PBRM1: variants seen among roughly 807,000 people sequenced by gnomAD.
PBRM1 encodes polybromo 1.
In PBRM1, 27 loss-of-function variants were observed where a neutral mutation model predicts 194.5. The observed-to-expected ratio is 0.14, with a 90% CI of 0.10 to 0.19. The LOEUF (loss-of-function observed/expected upper bound fraction) is 0.19, where lower values mean the gene tolerates loss of function less well. Among genes scored for constraint, PBRM1 ranks in the 10% least tolerant of loss-of-function variants. PBRM1 has a pLI of 1.00. For missense variants in PBRM1, 1,466 were observed against 2,077.2 expected, an observed-to-expected ratio of 0.71 and a Z score of 5.72; for synonymous variants, 655 against 693.2, an observed-to-expected ratio of 0.94 and a Z score of 0.87.
chr3:52,566,346 A>G (rs780857238), intron 22 of PBRM1, among the ~76,000 whole-genome samples: 3 of 152,230 alleles, frequency 2.0e-5, no homozygotes, highest in Non-Finnish European at 4.4e-5. Context: ...CTAGGTATAT[A>G]TCCAAAAGAA....
Position 52,676,140 on chromosome 3 carries a change from A to T in PBRM1, c.236+2360T>A, listed in dbSNP as rs2097097460. Among the ~76,000 whole-genome samples, 8 of 30,314 alleles carry T rather than the reference A, an allele frequency of 2.6e-4. 1 individual carries two copies. The highest frequency in any genetic ancestry group is 8.1e-4 in the Admixed American group (2 of 2,470). The allele number at this position is 30,314 out of a possible 152,430, so 19.9% of individuals were successfully genotyped here. On this transcript the variant is annotated intron_variant, in intron 2 of 29. Transcript: ENST00000296302. ...AAAAAAAAAAAAAAAAAAAAAAAAAAAAAAAAAAAAAATAATGAATGAAGC... is the reference window on the plus strand; with the variant it reads ...AAAAAAAAAAAAAAAAAAAAAAAAATAAAAAAAAAAAATAATGAATGAAGC...
chr3:52,668,671 G>C, intron 2 of PBRM1, 26 bp from the exon 4 acceptor site: 4 of 1,423,472 alleles, frequency 2.8e-6, no homozygotes, highest in Non-Finnish European at 3.8e-6. Flanking sequence ...TTTTTTTAAA[G>C]GAGATTAATC....
At chr3:52,634,807 A>T (rs778591127) in exon 11 of PBRM1, 13 of 1,612,904 alleles carry the variant, frequency 8.1e-6, no homozygotes, top group Non-Finnish European at 2.5e-6. Flanking sequence ...CCCTCTTCAT[A>T]GCGTGCAGCT....
At chr3:52,592,711 G>C (rs1009015528) in intron 17 of PBRM1, among the ~76,000 whole-genome samples, 5 of 152,124 alleles carry the variant, frequency 3.3e-5, no homozygotes, top group Non-Finnish European at 7.4e-5. Context: ...CAGTTATTTG[G>C]AACAGTTTCA....
chr3:52,560,433 G>C (rs1174271567), intron 25 of PBRM1: 1 of 152,172 alleles, frequency 6.6e-6, no homozygotes, highest in Non-Finnish European at 1.5e-5. Flanking sequence ...GTTTTCCAAA[G>C]AATATTCTGC....
chr3:52,570,498 A>T (rs1433747814), intron 22 of PBRM1, among the ~76,000 whole-genome samples: 2 of 152,242 alleles, frequency 1.3e-5, no homozygotes, highest in Non-Finnish European at 2.9e-5. Context: ...TAGAAGGAAA[A>T]ATAGACATTA....
intron 3 of PBRM1, among the ~76,000 whole-genome samples, chr3:52,667,436 A>C (rs1305738988): frequency 6.6e-6 from 1 of 152,162 alleles, no homozygotes; most frequent in African/African-American, 2.4e-5. Context: ...TAATCAAAAA[A>C]GGTTTACTAT....
downstream of PBRM1, chr3:52,545,685 C>A (rs1024027624): frequency 8.6e-6 from 2 of 232,976 alleles, no homozygotes; most frequent in Non-Finnish European, 1.7e-5. Context: ...TGTTTTAAAC[C>A]TACAGGTTCC....
In PBRM1 at chr3:52,657,558, C is replaced by T. The variant is rs192209690; in HGVS notation, c.645+641G>A. The stretch of plus-strand genomic sequence containing the variant: ...GATGTCAGCTCACTGTAACTTCCAC[C>T]TCCCAGGTTCAAGCAATTCTCCTGC... On this transcript the variant is annotated intron_variant, in intron 5 of 29. Transcript: ENST00000296302. 7.3e-4 allele frequency among the ~76,000 whole-genome samples: 111 copies of T among 152,170 alleles called. 1 individual carries two copies. The East Asian group carries it at 0.016, about 22-fold the overall frequency.
chr3:52,614,571 C>CT (rs755634978), intron 15 of PBRM1, among the ~76,000 whole-genome samples: 228 of 137,468 alleles, frequency 1.7e-3, no homozygotes, highest in Middle Eastern at 7.4e-3. Context: ...TTTTTCTTCC[C>CT]TTTTTTTTTT....
exon 28 of PBRM1, chr3:52,550,807 G>C (rs1032546493): frequency 1.4e-5 from 23 of 1,607,582 alleles, no homozygotes; most frequent in African/African-American, 4.0e-5. Flanking sequence ...CCACTCCTTG[G>C]TTCATCACAC....
At chr3:52,667,885 C>T (rs1178212002) in intron 3 of PBRM1, among the ~76,000 whole-genome samples, 1 of 149,938 alleles carries the variant, frequency 6.7e-6, no homozygotes, top group Admixed American at 6.7e-5. Context: ...CATAGGGAGA[C>T]TCTGTCTCTA....
chr3:52,589,619 A>G (rs2092812587), intron 17 of PBRM1, among the ~76,000 whole-genome samples: 1 of 152,196 alleles, frequency 6.6e-6, no homozygotes, highest in South Asian at 2.1e-4. Context: ...AATCTCTGAT[A>G]TACTTCATCC....
At chr3:52,599,829 C>CAAAAA (rs534552603) in intron 17 of PBRM1, among the ~76,000 whole-genome samples, 5 of 120,064 alleles carry the variant, frequency 4.2e-5, no homozygotes, top group African/African-American at 1.6e-4. Context: ...GACTCCATCT[C>CAAAAA]AAAAAAAAAA....
At chr3:52,560,222 T>C (rs1299480277) in intron 25 of PBRM1, among the ~76,000 whole-genome samples, 2 of 152,206 alleles carry the variant, frequency 1.3e-5, no homozygotes, top group Non-Finnish European at 2.9e-5. Context: ...ATCTCTCTCC[T>C]GCTCACACTC....
intron 10 of PBRM1, among the ~76,000 whole-genome samples, chr3:52,640,564 C>T (rs1347398701): frequency 6.6e-6 from 1 of 152,050 alleles, no homozygotes; most frequent in Non-Finnish European, 1.5e-5. Context: ...AGTCACCACA[C>T]CTGGTCTTAT....
upstream of PBRM1, chr3:52,679,720 ACTT>A: frequency 1.2e-6 from 2 of 1,612,110 alleles, no homozygotes; most frequent in Admixed American, 1.7e-5. Context: ...ATGGAATCCA[ACTT>A]CTTCTATAAG....
At chr3:52,604,612 G>C (rs1202566762) in intron 16 of PBRM1, among the ~76,000 whole-genome samples, 1 of 152,002 alleles carries the variant, frequency 6.6e-6, no homozygotes, top group African/African-American at 2.4e-5. Context: ...AGGGTCACTT[G>C]AGCCCAGGAG....
intron 11 of PBRM1, among the ~76,000 whole-genome samples, chr3:52,631,994 G>A (rs542149719): frequency 3.6e-4 from 55 of 152,212 alleles, no homozygotes; most frequent in Middle Eastern, 3.4e-3. Flanking sequence ...TTATTCTTTT[G>A]AATGTTTTGA....
Sources: allele counts gnomAD v4.1 joint callset (sites outside exome capture counted in the v4.1 genomes callset), GRCh38; gene constraint gnomAD v4.1.1; transcripts MANE v1.5; gene names NCBI Gene and HGNC (gene_info 2026-07-23, HGNC 2026-07-21).